AFF2: variants seen among roughly 807,000 people sequenced by gnomAD.
The protein encoded by AFF2 is AF4/FMR2 family member 2.
A neutral mutation model predicts 76.9 loss-of-function variants in AFF2; 14 were observed. That is an observed-to-expected ratio of 0.18 (90% CI 0.12 to 0.28). The LOEUF (loss-of-function observed/expected upper bound fraction) is 0.28. Ranked by LOEUF, AFF2 falls within the 10% of genes least tolerant of loss-of-function variation. The pLI is 1.00. For synonymous variants in AFF2, 398 were observed against 366.7 expected (o/e 1.09, Z -0.98); for missense variants, 868 against 1,001.1 (o/e 0.87, Z 1.79).
At chrX:148,935,601 C>T (rs1357542843) in intron 9 of AFF2, among the ~76,000 whole-genome samples, 1 of 111,656 alleles carries the variant, frequency 9.0e-6, no homozygotes, top group African/African-American at 3.3e-5. Context: ...GGACACCCAA[C>T]TTCGTGATCC....
intron 2 of AFF2, among the ~76,000 whole-genome samples, chrX:148,659,613 G>T (rs1557257495): frequency 8.9e-6 from 1 of 112,408 alleles, no homozygotes; most frequent in Non-Finnish European, 1.9e-5. Context: ...GCAAACATCT[G>T]ACCCAAGAGG....
chrX:148,991,175 T>C, intron 20 of AFF2, 36 bp from the exon 21 acceptor site: 2 of 1,158,134 alleles, frequency 1.7e-6, no homozygotes. Flanking sequence ...CATGATATCA[T>C]ATAAAGGCCT....
At chrX:148,724,416 G>A (rs1263352490) in intron 3 of AFF2, among the ~76,000 whole-genome samples, 1 of 111,315 alleles carries the variant, frequency 9.0e-6, no homozygotes, top group Non-Finnish European at 1.9e-5. Context: ...GGCATAAATT[G>A]CATAAATTGC....
intron 3 of AFF2, among the ~76,000 whole-genome samples, chrX:148,743,853 G>A (rs1294347133): frequency 9.0e-6 from 1 of 111,202 alleles, no homozygotes; most frequent in African/African-American, 3.3e-5. Flanking sequence ...TTATGGGAGT[G>A]TGGAATGCTT....
At chrX:148,682,832 T>C (rs1215586687) in intron 3 of AFF2, among the ~76,000 whole-genome samples, 8 of 112,244 alleles carry the variant, frequency 7.1e-5, no homozygotes, top group Non-Finnish European at 1.5e-4. Context: ...GTTTTTTTTC[T>C]TGTACTGAGA....
chrX:148,842,779 A>G (rs1557274377), intron 5 of AFF2, among the ~76,000 whole-genome samples, 187 bp from the exon 6 acceptor site: 1 of 112,189 alleles, frequency 8.9e-6, no homozygotes. Flanking sequence ...ATGTTGCAGC[A>G]GGTTTGGCTG....
rs941429233 is a variant in AFF2, at chrX:148,999,188, G to C, written c.*7856G>C. 1 of 111,214 alleles carries C rather than the reference G, an allele frequency of 9.0e-6. No individual in the cohort carries two copies. The highest frequency in any genetic ancestry group is 1.9e-5 in the Non-Finnish European group (1 of 53,019). 9.2% of individuals were successfully genotyped at this position (111,214 alleles called of 1,213,427 possible). On this transcript the variant is annotated 3_prime_UTR_variant, in exon 21 of 21. Transcript: ENST00000370460. ...ACTGAGACTTGCAAAATACCCCTGA[G>C]AGTTGTCAGGGGTGTCTTCTGCCTG...
intron 1 of AFF2, among the ~76,000 whole-genome samples, chrX:148,564,940 C>T (rs1260706155): frequency 8.9e-6 from 1 of 112,178 alleles, no homozygotes; most frequent in Non-Finnish European, 1.9e-5. Context: ...TTATTGTCTT[C>T]CTCTGCATCA....
intron 3 of AFF2, among the ~76,000 whole-genome samples, chrX:148,808,555 C>T (rs1557271522): frequency 8.9e-6 from 1 of 111,775 alleles, no homozygotes; most frequent in Non-Finnish European, 1.9e-5. Context: ...AACTGGAGGA[C>T]ATTTTTGAGA....
At chrX:148,778,469 A>T (rs1217482461) in intron 3 of AFF2, among the ~76,000 whole-genome samples, 1 of 110,908 alleles carries the variant, frequency 9.0e-6, no homozygotes, top group Non-Finnish European at 1.9e-5. Flanking sequence ...TGGGCTGTGA[A>T]TCTGTCTGGT....
At chrX:148,978,949 A>C (rs1274603967) in intron 18 of AFF2, among the ~76,000 whole-genome samples, 1 of 112,130 alleles carries the variant, frequency 8.9e-6, no homozygotes, top group Non-Finnish European at 1.9e-5. Context: ...TTTGGTTACC[A>C]AAACAAACAA....
At chrX:148,785,085 G>C (rs2069799777) in intron 3 of AFF2, among the ~76,000 whole-genome samples, 1 of 111,913 alleles carries the variant, frequency 8.9e-6, no homozygotes. Context: ...AGAGGCTTGG[G>C]GCACCGGGCT....
chrX:148,701,630 G>C (rs1603280663), intron 3 of AFF2, among the ~76,000 whole-genome samples: 1 of 112,322 alleles, frequency 8.9e-6, no homozygotes, highest in South Asian at 3.6e-4. Context: ...CTATTTTCCT[G>C]AAGAAACATT....
intron 2 of AFF2, among the ~76,000 whole-genome samples, chrX:148,659,071 A>G (rs782180080): frequency 8.9e-6 from 1 of 111,984 alleles, no homozygotes; most frequent in Non-Finnish European, 1.9e-5. Flanking sequence ...TAGAAGGTTG[A>G]TTTTCCAGAC....
At chrX:148,827,645 TA>T (rs1198610202) in intron 4 of AFF2, among the ~76,000 whole-genome samples, 8 of 111,806 alleles carry the variant, frequency 7.2e-5, no homozygotes, top group Admixed American at 1.9e-4. Flanking sequence ...CATTATTCTC[TA>T]AAAAAAATCA....
chrX:148,814,317 A>C (rs140461449), intron 4 of AFF2, among the ~76,000 whole-genome samples: 1 of 112,002 alleles, frequency 8.9e-6, no homozygotes, highest in Non-Finnish European at 1.9e-5. Context: ...CTAAGGATGG[A>C]TGCTCAATGA....
chrX:148,872,568 G>A (rs545847333), intron 7 of AFF2, among the ~76,000 whole-genome samples: 6 of 111,906 alleles, frequency 5.4e-5, no homozygotes, highest in Middle Eastern at 4.6e-3. Flanking sequence ...TCTATTCCGC[G>A]ATGGTTAATG....
intron 1 of AFF2, among the ~76,000 whole-genome samples, chrX:148,600,219 A>G (rs1258194733): frequency 1.8e-5 from 2 of 111,862 alleles, no homozygotes; most frequent in African/African-American, 3.3e-5. Context: ...TTAGCAACAC[A>G]ATAGGTCTTT....
intron 1 of AFF2, among the ~76,000 whole-genome samples, chrX:148,614,738 TTTTCTTTCTTTCTTTCTTTC>T (rs563984440): frequency 5.4e-5 from 3 of 55,286 alleles, no homozygotes; most frequent in East Asian, 5.2e-4. Flanking sequence ...TCTTTCCTTC[TTTTCTTTCTTTCTTTCTTTC>T]TTTCTTTCTT....
Sources: gnomAD v4.1 joint callset for allele counts (sites outside exome capture counted in the v4.1 genomes callset) on GRCh38, gnomAD v4.1.1 for gene constraint, MANE v1.5 for transcripts, NCBI Gene and HGNC (gene_info 2026-07-23, HGNC 2026-07-21) for gene names.